Variants in DLG5 observed in about 807,000 individuals in gnomAD.
DLG5 encodes the protein disks large homolog 5.
DLG5 carries 48 observed loss-of-function variants against 189.8 expected under a neutral mutation model. That is an observed-to-expected ratio of 0.25 (90% CI 0.20 to 0.32). The LOEUF (loss-of-function observed/expected upper bound fraction) is 0.32, where lower values mean the gene tolerates loss of function less well. DLG5 is among the 10% of genes least tolerant of loss of function. The pLI, the probability that DLG5 is intolerant of heterozygous loss-of-function variation, is 1.00. For missense variants in DLG5, 2,160 were observed against 2,544.7 expected (o/e 0.85, Z 3.25); for synonymous variants, 1,016 against 1,054.1 (o/e 0.96, Z 0.70).
chr10:77,874,773 G>A (rs765936141), intron 1 of DLG5, among the ~76,000 whole-genome samples: 5 of 152,156 alleles, frequency 3.3e-5, no homozygotes, highest in South Asian at 2.1e-4. Context: ...ACAGTACCTC[G>A]CATAGCCGGT....
chr10:77,921,443 G>GA (rs1202503895), intron 1 of DLG5, among the ~76,000 whole-genome samples: 2 of 151,758 alleles, frequency 1.3e-5, no homozygotes, highest in African/African-American at 4.8e-5. Context: ...TTCCCTTGGG[G>GA]AAAAAAAACA....
rs1842857075 is a variant in DLG5, at chr10:77,830,741, C to T, written c.1881G>A (p.Thr627=). 3.7e-6 allele frequency: 6 copies of T among 1,613,938 alleles called. No homozygotes were observed. The highest frequency in any genetic ancestry group is 1.7e-4 in the Middle Eastern group (1 of 6,060). The change falls in exon 10 of 32, where the codon ACG becomes ACA. Residue 627 remains threonine (T), a splice_region_variant and synonymous_variant. Transcript: ENST00000372391. ...AGAAGAACCATCAGAGGCAGCTTAC[C>T]GTCTCCCTCTCGAACTCTACAACTT... ...ETEVVEFERE[T]EDIDLKALGF... is the part of the protein sequence containing the mutation.
rs1840641427 is a variant in DLG5 at position 77,791,461 on chromosome 10, A to G, written c.*979T>C. 6.6e-6 allele frequency: 1 copy of G among 152,296 alleles called. No individual in the cohort carries two copies. The highest frequency in any genetic ancestry group is 6.5e-5 in the Admixed American group (1 of 15,290). The allele number at this position is 152,296 out of a possible 1,614,324, so 9.4% of individuals were successfully genotyped here. ...TCTTTTTAGACTGTTGATAGTGACA[A>G]TAACCATTATGCTTCCCCTAAAAGC... On this transcript the variant is annotated 3_prime_UTR_variant, in exon 32 of 32. Coordinates refer to ENST00000372391, the MANE Select transcript of DLG5 (RefSeq NM_004747.4).
At chr10:77,924,633 T>G (rs1846632045) in intron 1 of DLG5, among the ~76,000 whole-genome samples, 2 of 152,188 alleles carry the variant, frequency 1.3e-5, no homozygotes, top group East Asian at 3.8e-4. Flanking sequence ...TCTGTCCTTA[T>G]CCTCATGGCC....
At chr10:77,857,471 C>T (rs1187162505) in intron 2 of DLG5, among the ~76,000 whole-genome samples, 1 of 152,238 alleles carries the variant, frequency 6.6e-6, no homozygotes, top group African/African-American at 2.4e-5. Context: ...CCTGCCCAAC[C>T]AGCCCAGGCG....
At chr10:77,932,411 T>A in the DLG5 span, among the ~76,000 whole-genome samples, 1 of 152,118 alleles carries the variant, frequency 6.6e-6, no homozygotes, top group Non-Finnish European at 1.5e-5. Context: ...GGTGAACATA[T>A]GAATGAATGA....
At chr10:77,899,626 C>G (rs944773149) in intron 1 of DLG5, among the ~76,000 whole-genome samples, 1 of 152,196 alleles carries the variant, frequency 6.6e-6, no homozygotes, top group African/African-American at 2.4e-5. Context: ...CAGCTTTCTG[C>G]CCCTCTCCTC....
chr10:77,874,087 G>A (rs1248648), intron 1 of DLG5, among the ~76,000 whole-genome samples: 38,804 of 152,148 alleles, frequency 0.26, 5,534 homozygotes, highest in Admixed American at 0.39. Context: ...TTTCCAACAC[G>A]TGCCCCCCGC....
intron 2 of DLG5, among the ~76,000 whole-genome samples, chr10:77,861,271 A>G (rs1182156436): frequency 2.6e-5 from 4 of 152,268 alleles, no homozygotes; most frequent in Non-Finnish European, 5.9e-5. Flanking sequence ...ACACTTTCAG[A>G]ATGGCTATTC....
rs544106222 is a variant in DLG5 at position 77,796,868 on chromosome 10, C to T, written c.5165-274G>A. 4.6e-4 allele frequency among the ~76,000 whole-genome samples: 70 copies of T among 152,268 alleles called. No homozygotes were observed. Among genetic ancestry groups the T allele is most frequent in the African/African-American group, 1.6e-3 (67 of 41,536 alleles). ...TCTGCTCTGATTTTTCCTCGTGGGT[C>T]GACGCCTGCTTCCCCTGCCCCATCT... On this transcript the variant is annotated intron_variant, in intron 27 of 31. Coordinates refer to ENST00000372391, the MANE Select transcript of DLG5 (RefSeq NM_004747.4). The surrounding 1 kb of genome is among the most constrained non-coding windows in gnomAD (Gnocchi z 5.2).
Position 77,817,102 on chromosome 10 carries a change from G to A in DLG5, c.3785-6C>T. On this transcript the variant is annotated splice_region_variant and splice_polypyrimidine_tract_variant and intron_variant, in intron 18 of 31. Coordinates refer to ENST00000372391, the MANE Select transcript of DLG5 (RefSeq NM_004747.4). ...CTGCAAGTTACTCGAAGAACCTATT[G>A]TTCCATAAGGGAACAAAACTTCAGG... The A allele has an allele frequency of 5.6e-6, 9 of 1,614,030 alleles. No homozygotes were observed. The highest frequency in any genetic ancestry group is 7.6e-6 in the Non-Finnish European group (9 of 1,179,916).
intron 25 of DLG5, 145 bp downstream of exon 25, chr10:77,807,651 C>T (rs936537550): frequency 8.5e-6 from 8 of 941,678 alleles, no homozygotes; most frequent in Middle Eastern, 2.2e-4. Context: ...CATAAATAAG[C>T]GTGCAGATTG....
At chr10:77,880,771 C>T (rs1845254351) in intron 1 of DLG5, among the ~76,000 whole-genome samples, 1 of 152,068 alleles carries the variant, frequency 6.6e-6, no homozygotes, top group Non-Finnish European at 1.5e-5. Flanking sequence ...GTACTTGTTG[C>T]AAGAAAGGCA....
At chr10:77,930,974 C>T (rs1490284368), upstream of DLG5, among the ~76,000 whole-genome samples, 3 of 151,982 alleles carry the variant, frequency 2.0e-5, no homozygotes, top group African/African-American at 7.2e-5. Context: ...GCATGTGCCA[C>T]CACACCTGGC....
At chr10:77,909,155 A>T (rs1339925052) in intron 1 of DLG5, among the ~76,000 whole-genome samples, 1 of 152,192 alleles carries the variant, frequency 6.6e-6, no homozygotes, top group East Asian at 1.9e-4. Context: ...TCTTGTCAGA[A>T]TCTGGGCTCC....
At chr10:77,827,564 G>T (rs529911067) in intron 13 of DLG5, among the ~76,000 whole-genome samples, 1 of 152,154 alleles carries the variant, frequency 6.6e-6, no homozygotes, top group South Asian at 2.1e-4. Context: ...TATTAAATTT[G>T]CATGTCCTAT....
At chr10:77,912,317 A>G (rs1846247949) in intron 1 of DLG5, 1 of 151,836 alleles carries the variant, frequency 6.6e-6, no homozygotes. Context: ...TGCAGTAGCT[A>G]TTCACAGGCA....
At chr10:77,826,768 C>T (rs1338209627) in intron 13 of DLG5, among the ~76,000 whole-genome samples, 1 of 152,092 alleles carries the variant, frequency 6.6e-6, no homozygotes, top group Non-Finnish European at 1.5e-5. Context: ...GCCAAAATGG[C>T]GAAACCCCGT....
chr10:77,924,270 G>A (rs1307351660), intron 1 of DLG5, among the ~76,000 whole-genome samples: 1 of 152,144 alleles, frequency 6.6e-6, no homozygotes. Flanking sequence ...CTGCATTGTG[G>A]TAAAACTGGG....
Sources: allele counts gnomAD v4.1 joint callset (sites outside exome capture counted in the v4.1 genomes callset), GRCh38; gene constraint gnomAD v4.1.1; non-coding constraint Gnocchi (gnomAD v3.1); transcripts MANE v1.5; gene names NCBI Gene and HGNC (gene_info 2026-07-23, HGNC 2026-07-21).